Variants in MICU2 observed in about 807,000 individuals in gnomAD.
The protein encoded by MICU2 is mitochondrial calcium uptake 2.
A neutral mutation model predicts 60.4 loss-of-function variants in MICU2; 64 were observed. The ratio of observed to expected loss-of-function variants is 1.06; its 90% CI spans 0.87 to 1.31. MICU2 has a LOEUF of 1.31. Among genes scored for constraint, MICU2 ranks in the 50% most tolerant of loss-of-function variants. The probability of loss-of-function intolerance (pLI) is 0.00; values close to 1 mark genes in which losing one functional copy is unlikely to be tolerated. For missense variants in MICU2, 569 were observed against 531.0 expected, an observed-to-expected ratio of 1.07 and a Z score of -0.70; for synonymous variants, 201 against 175.0, an observed-to-expected ratio of 1.15 and a Z score of -1.17.
In MICU2 at chr13:21,493,105, T is replaced by C. The variant is rs1472529683; in HGVS notation, c.*144A>G. ...TTTCTACTAAGTTCTTTAATAAAAT[T>C]ATGAATCAGAAAGCAAGTACAAGAC... is the stretch of plus-strand genomic sequence containing the variant. On this transcript the variant is annotated 3_prime_UTR_variant, in exon 12 of 12. Coordinates refer to ENST00000382374, the MANE Select transcript of MICU2 (RefSeq NM_152726.3). 1 of 465,402 alleles carries C rather than the reference T, an allele frequency of 2.1e-6. No homozygotes were observed. The highest frequency in any genetic ancestry group is 3.6e-5 in the East Asian group (1 of 28,162). The allele number at this position is 465,402 out of a possible 1,614,324, so 28.8% of individuals were successfully genotyped here.
At chr13:21,545,311 C>T (rs1283322988) in intron 2 of MICU2, among the ~76,000 whole-genome samples, 1 of 152,178 alleles carries the variant, frequency 6.6e-6, no homozygotes, top group Non-Finnish European at 1.5e-5. Flanking sequence ...AACTGGAGGA[C>T]ATTATGCTAA....
intron 1 of MICU2, among the ~76,000 whole-genome samples, chr13:21,577,581 G>C (rs775233911): frequency 7.2e-5 from 11 of 152,050 alleles, no homozygotes; most frequent in Non-Finnish European, 1.5e-4. Flanking sequence ...GCCGATGTGG[G>C]TGGATCACAA....
chr13:21,579,470 A>G (rs1888297760), intron 1 of MICU2, among the ~76,000 whole-genome samples: 1 of 151,578 alleles, frequency 6.6e-6, no homozygotes, highest in South Asian at 2.1e-4. Context: ...CCTCCTGAGT[A>G]GCTGGGATTA....
Position 21,603,818 on chromosome 13 carries a change from C to T in MICU2, c.210+121G>A, listed in dbSNP as rs912245170. 7.9e-6 allele frequency: 9 copies of T among 1,144,068 alleles called. No homozygotes were observed. The African/African-American group carries it at 1.5e-4, about 19-fold the overall frequency. 70.9% of individuals were successfully genotyped at this position (1,144,068 alleles called of 1,614,324 possible). Reference sequence around the variant, plus strand: ...CCACCAGTCGCAGGGCGCTCCGATCCGCAGCGGCACCTCCACCCACGGCTC... The same window carrying T: ...CCACCAGTCGCAGGGCGCTCCGATCTGCAGCGGCACCTCCACCCACGGCTC... On this transcript the variant is annotated intron_variant, in intron 1 of 11. Coordinates refer to ENST00000382374, the MANE Select transcript of MICU2 (RefSeq NM_152726.3).
Position 21,522,584 on chromosome 13 carries a change from A to C in MICU2, c.514+19T>G. ...AGAGAATTCCACATGATCTCTGAGA[A>C]AAACTGTGGGATACTTACTAGTGAG... is the stretch of plus-strand genomic sequence containing the variant. On this transcript the variant is annotated intron_variant, in intron 5 of 11. Transcript: ENST00000382374. 6.3e-7 allele frequency: 1 copy of C among 1,581,080 alleles called. No homozygotes were observed. The highest frequency in any genetic ancestry group is 8.6e-7 in the Non-Finnish European group (1 of 1,161,814).
chr13:21,531,076 G>A lies in MICU2; in HGVS notation c.466+8226C>T, dbSNP rs574454499. ...CTTTCCAAATATCCTAATCTGTTAAGTCAATTACTTGATTTACAACCAAGG... is the reference window on the plus strand; with the variant it reads ...CTTTCCAAATATCCTAATCTGTTAAATCAATTACTTGATTTACAACCAAGG... On this transcript the variant is annotated intron_variant, in intron 4 of 11. Transcript: ENST00000382374. 3.8e-4 allele frequency: 389 copies of A among 1,016,454 alleles called. 1 individual carries two copies. In the African/African-American group the frequency reaches 5.5e-3, roughly 14 times the overall value. The allele number at this position is 1,016,454 out of a possible 1,614,324, so 63.0% of individuals were successfully genotyped here.
chr13:21,537,857 T>G (rs574487722), intron 4 of MICU2, among the ~76,000 whole-genome samples: 4 of 152,310 alleles, frequency 2.6e-5, no homozygotes, highest in Non-Finnish European at 5.9e-5. Flanking sequence ...TTTGCAAATA[T>G]CTGCATAAAA....
At chr13:21,534,243 T>C (rs192515967) in intron 4 of MICU2, among the ~76,000 whole-genome samples, 13 of 152,020 alleles carry the variant, frequency 8.6e-5, no homozygotes, top group South Asian at 6.2e-4. Flanking sequence ...TCTCACTCTA[T>C]TGCCCAGGCT....
chr13:21,554,024 T>C (rs1887639454), intron 2 of MICU2, among the ~76,000 whole-genome samples: 2 of 152,128 alleles, frequency 1.3e-5, no homozygotes, highest in African/African-American at 4.8e-5. Context: ...GCACCCAGAT[T>C]CATAAAGCAA....
chr13:21,599,947 T>C (rs1593363370), intron 1 of MICU2, among the ~76,000 whole-genome samples: 1 of 152,246 alleles, frequency 6.6e-6, no homozygotes, highest in Admixed American at 6.5e-5. Flanking sequence ...GCAGTTACTG[T>C]AATACCACTA....
At chr13:21,531,548 G>A (rs140844858) in intron 4 of MICU2, among the ~76,000 whole-genome samples, 614 of 152,262 alleles carry the variant, frequency 4.0e-3, no homozygotes, top group African/African-American at 0.014. Flanking sequence ...GGAGGAGGAA[G>A]AAAAAGTCCC....
At chr13:21,575,056 G>A (rs920791557) in intron 1 of MICU2, among the ~76,000 whole-genome samples, 4 of 152,140 alleles carry the variant, frequency 2.6e-5, no homozygotes, top group African/African-American at 7.2e-5. Context: ...CTGAAATATC[G>A]TCTGATCTAT....
At chr13:21,521,431 G>T in intron 5 of MICU2, 104 bp from the exon 6 acceptor site, 1 of 767,162 alleles carries the variant, frequency 1.3e-6, no homozygotes, top group East Asian at 2.8e-5. Flanking sequence ...AACTGTATGA[G>T]TAAGTGCCTA....
intron 1 of MICU2, among the ~76,000 whole-genome samples, chr13:21,600,989 G>A (rs958997230): frequency 2.6e-5 from 4 of 152,056 alleles, no homozygotes; most frequent in East Asian, 3.9e-4. Context: ...GTAGAGACGG[G>A]GTTTCACTGT....
intron 2 of MICU2, chr13:21,551,533 C>A (rs1191322764): frequency 6.6e-6 from 1 of 151,256 alleles, no homozygotes; most frequent in Non-Finnish European, 1.5e-5. Flanking sequence ...GTGCACTGCA[C>A]CCATTAACTC....
intron 5 of MICU2, 80 bp downstream of exon 5, chr13:21,522,523 A>G: frequency 8.8e-7 from 1 of 1,140,076 alleles, no homozygotes; most frequent in South Asian, 1.5e-5. Context: ...ATAAAGACAT[A>G]AATGCCAAAC....
At position 21,534,621 on chromosome 13, in the gene MICU2, G is replaced by T. The variant is rs371581861; in HGVS notation, c.466+4681C>A. Among the ~76,000 whole-genome samples the T allele has an allele frequency of 1.2e-4, 18 of 152,292 alleles. No homozygotes were observed. The South Asian group carries it at 3.5e-3, about 30-fold the overall frequency. ...TTCAATACACAGAAAGGCTAAAAGT[G>T]CATAGCAAAAATACTCAAGGGATTC... is the stretch of plus-strand genomic sequence containing the variant. On this transcript the variant is annotated intron_variant, in intron 4 of 11. Coordinates refer to ENST00000382374, the MANE Select transcript of MICU2 (RefSeq NM_152726.3).
At chr13:21,522,766 T>C in intron 4 of MICU2, 116 bp from the exon 5 acceptor site, 1 of 665,656 alleles carries the variant, frequency 1.5e-6, no homozygotes, top group Non-Finnish European at 2.3e-6. Context: ...ATTACCTCTC[T>C]TTGATACAGT....
At chr13:21,545,154 C>A (rs1472518492) in intron 2 of MICU2, among the ~76,000 whole-genome samples, 1 of 152,182 alleles carries the variant, frequency 6.6e-6, no homozygotes, top group Non-Finnish European at 1.5e-5. Context: ...TACTGCAGCA[C>A]TATTCACAAC....
Sources: gnomAD v4.1 joint callset for allele counts (sites outside exome capture counted in the v4.1 genomes callset) on GRCh38, gnomAD v4.1.1 for gene constraint, MANE v1.5 for transcripts, NCBI Gene and HGNC (gene_info 2026-07-23, HGNC 2026-07-21) for gene names.